Variants in ARMH4 observed in about 807,000 individuals in gnomAD.
ARMH4 encodes armadillo-like helical domain-containing protein 4.
A neutral mutation model predicts 61.9 loss-of-function variants in ARMH4; 49 were observed. That is an observed-to-expected ratio of 0.79 (90% CI 0.63 to 1.00). ARMH4 has a LOEUF of 1.00. Among genes scored for constraint, ARMH4 ranks in the 50% least tolerant of loss-of-function variants. The pLI is 0.00. For synonymous variants in ARMH4, 368 were observed against 341.5 expected, an observed-to-expected ratio of 1.08 and a Z score of -0.85; for missense variants, 934 against 930.0, an observed-to-expected ratio of 1.00 and a Z score of -0.06.
chr14:58,052,577 G>A (rs544779015), intron 5 of ARMH4, among the ~76,000 whole-genome samples: 4 of 152,092 alleles, frequency 2.6e-5, no homozygotes, highest in African/African-American at 2.4e-5. Context: ...GTGACACCAC[G>A]TTTCCCCTCA....
At chr14:58,007,060 C>T (rs1242323215) in intron 6 of ARMH4, among the ~76,000 whole-genome samples, 1 of 152,150 alleles carries the variant, frequency 6.6e-6, no homozygotes, top group African/African-American at 2.4e-5. Flanking sequence ...TGTTGGTGCT[C>T]ACACAAGAAC....
chr14:58,137,172 A>G (rs927400576), intron 2 of ARMH4, among the ~76,000 whole-genome samples: 2 of 152,130 alleles, frequency 1.3e-5, no homozygotes, highest in African/African-American at 2.4e-5. Context: ...GGGTTTTTCA[A>G]CCTCAGCGCT....
At chr14:58,140,199 C>T (rs1005209376) in intron 1 of ARMH4, among the ~76,000 whole-genome samples, 4 of 149,272 alleles carry the variant, frequency 2.7e-5, no homozygotes, top group African/African-American at 5.0e-5. Flanking sequence ...CGCTTGAACC[C>T]GGAAGGCAGA....
chr14:58,133,961 C>G (rs958536054), intron 2 of ARMH4, among the ~76,000 whole-genome samples: 1 of 152,168 alleles, frequency 6.6e-6, no homozygotes, highest in Non-Finnish European at 1.5e-5. Context: ...CAGAGCCAAC[C>G]TGCCTTAGTC....
At chr14:58,110,077 G>C (rs896742410) in intron 4 of ARMH4, among the ~76,000 whole-genome samples, 1 of 152,124 alleles carries the variant, frequency 6.6e-6, no homozygotes, top group Non-Finnish European at 1.5e-5. Context: ...TCCCCACCTC[G>C]ACACATGGGG....
chr14:58,150,254 G>GA (rs1327826794), intron 1 of ARMH4, among the ~76,000 whole-genome samples: 1 of 152,164 alleles, frequency 6.6e-6, no homozygotes, highest in Non-Finnish European at 1.5e-5. Flanking sequence ...ACACAATATG[G>GA]AAAAATAAGA....
In ARMH4 at chr14:58,021,498, G is replaced by C. The variant is rs115229287; in HGVS notation, c.2090-9348C>G. On this transcript the variant is annotated intron_variant, in intron 5 of 7. Transcript: ENST00000267485. ...TTTCTTTGTAAGTTGCACTGTCTCA[G>C]GTATTTCTTCATGGCAGTATAAAAA... Among the ~76,000 whole-genome samples, 601 of 152,248 alleles carry C rather than the reference G, an allele frequency of 3.9e-3. 2 individuals carry two copies. The highest frequency in any genetic ancestry group is 0.013 in the African/African-American group (555 of 41,536).
chr14:58,026,337 G>A (rs996589967), intron 5 of ARMH4, among the ~76,000 whole-genome samples: 2 of 151,262 alleles, frequency 1.3e-5, no homozygotes, highest in Non-Finnish European at 1.5e-5. Flanking sequence ...ATCATGAAGC[G>A]GAAAAAAAAA....
At chr14:58,020,919 G>C (rs1417241227) in intron 5 of ARMH4, among the ~76,000 whole-genome samples, 2 of 152,190 alleles carry the variant, frequency 1.3e-5, no homozygotes, top group African/African-American at 4.8e-5. Flanking sequence ...TTTAGTTCCA[G>C]CCTGAGTCCA....
Position 58,038,725 on chromosome 14 carries a change from TTTGAG to T in ARMH4, c.2090-26580_2090-26576del, listed in dbSNP as rs139167985. Among the ~76,000 whole-genome samples the T allele has an allele frequency of 1.1e-3, 173 of 152,294 alleles. 3 individuals are homozygous for T. In the East Asian group the frequency reaches 0.029, roughly 25 times the overall value. On this transcript the variant is annotated intron_variant, in intron 5 of 7. Transcript: ENST00000267485. ...AAGTAGTGATGAGCATAAATGACAT[TTTGAG>T]TTATCTGTGACAACTATAATGTGAT...
At chr14:58,064,008 T>G (rs887711481) in intron 5 of ARMH4, among the ~76,000 whole-genome samples, 1 of 152,186 alleles carries the variant, frequency 6.6e-6, no homozygotes, top group Non-Finnish European at 1.5e-5. Context: ...TGGAAGTAAA[T>G]GGCTGGTGTA....
intron 4 of ARMH4, among the ~76,000 whole-genome samples, chr14:58,113,148 G>A (rs1186979652): frequency 6.6e-6 from 1 of 152,160 alleles, no homozygotes; most frequent in South Asian, 2.1e-4. Context: ...TTACCCCAAA[G>A]GTAAGCACTA....
At position 58,001,172 on chromosome 14, in the gene ARMH4, C is replaced by A. The variant is rs577533215; in HGVS notation, c.*3564G>T. The stretch of plus-strand genomic sequence containing the variant: ...TGTTCTCCATGTATATCCATATTGT[C>A]ACAATGACAGAATTTCCTTATTTCC... On this transcript the variant is annotated 3_prime_UTR_variant, in exon 8 of 8. Transcript: ENST00000267485. The A allele has an allele frequency of 6.6e-6, 1 of 152,240 alleles. No homozygotes were observed. Among genetic ancestry groups the A allele is most frequent in the Non-Finnish European group, 1.5e-5 (1 of 68,020 alleles). The allele number at this position is 152,240 out of a possible 1,614,324, so 9.4% of individuals were successfully genotyped here.
intron 7 of ARMH4, 23 bp downstream of exon 7, chr14:58,005,025 T>C: frequency 1.2e-6 from 2 of 1,613,710 alleles, no homozygotes; most frequent in Non-Finnish European, 1.7e-6. Flanking sequence ...ACTGATTAGG[T>C]TTTGCTGTTG....
intron 5 of ARMH4, among the ~76,000 whole-genome samples, chr14:58,073,089 C>T (rs533005582): frequency 6.6e-6 from 1 of 152,240 alleles, no homozygotes; most frequent in East Asian, 1.9e-4. Context: ...AAACACAGTT[C>T]CTCTTTATCT....
At chr14:58,116,432 T>C (rs1886526977) in intron 4 of ARMH4, 1 of 388,604 alleles carries the variant, frequency 2.6e-6, no homozygotes, top group South Asian at 1.9e-5. Flanking sequence ...TCCAACACTT[T>C]GGGAGGCCGA....
chr14:58,094,489 G>A (rs1345087619), intron 5 of ARMH4, among the ~76,000 whole-genome samples: 1 of 152,092 alleles, frequency 6.6e-6, no homozygotes, highest in Non-Finnish European at 1.5e-5. Flanking sequence ...TTCATCAACA[G>A]GTGACTAGAT....
Position 58,016,044 on chromosome 14 carries a change from G to T in ARMH4, c.2090-3894C>A, listed in dbSNP as rs151092765. 5.0e-3 allele frequency among the ~76,000 whole-genome samples: 766 copies of T among 151,982 alleles called. 6 individuals are homozygous for T. The highest frequency in any genetic ancestry group is 0.017 in the African/African-American group (698 of 41,476). On this transcript the variant is annotated intron_variant, in intron 5 of 7. Coordinates refer to ENST00000267485, the MANE Select transcript of ARMH4 (RefSeq NM_001001872.4). ...CTTTTCAAAGGTAAAGAGGTGGAGG[G>T]GAGATTTGCAATCCATATCAAAAGC...
intron 1 of ARMH4, among the ~76,000 whole-genome samples, chr14:58,140,142 G>A (rs1364696493): frequency 2.0e-5 from 3 of 150,434 alleles, no homozygotes; most frequent in Non-Finnish European, 3.0e-5. Flanking sequence ...GGGAGTGGGC[G>A]TAGGCACCTG....
Sources: allele counts gnomAD v4.1 joint callset (sites outside exome capture counted in the v4.1 genomes callset), GRCh38; gene constraint gnomAD v4.1.1; transcripts MANE v1.5; gene names NCBI Gene and HGNC (gene_info 2026-07-23, HGNC 2026-07-21).